The following SUGCT variants were observed in gnomAD, a reference collection of about 807,000 sequenced individuals.
SUGCT encodes the protein succinyl-CoA:glutarate CoA-transferase.
SUGCT carries 41 observed loss-of-function variants against 55.0 expected under a neutral mutation model. The observed-to-expected ratio is 0.74, with a 90% confidence interval of 0.58 to 0.97. SUGCT has a LOEUF of 0.97. SUGCT is among the 50% of genes least tolerant of loss of function. SUGCT has a pLI of 0.00. For synonymous variants in SUGCT, 187 were observed against 200.4 expected (o/e 0.93, Z 0.56); for missense variants, 568 against 547.8 (o/e 1.04, Z -0.37).
At chr7:40,478,196 G>A (rs373092444) in intron 11 of SUGCT, among the ~76,000 whole-genome samples, 1 of 152,060 alleles carries the variant, frequency 6.6e-6, no homozygotes, top group East Asian at 1.9e-4. Flanking sequence ...TCCAGAGACA[G>A]GGTCTTGCTT....
intron 1 of SUGCT, among the ~76,000 whole-genome samples, chr7:40,180,112 C>T (rs556488209): frequency 3.3e-5 from 5 of 152,038 alleles, no homozygotes; most frequent in Admixed American, 6.5e-5. Context: ...TTTGCTATTG[C>T]TGTGATTGTG....
intron 7 of SUGCT, among the ~76,000 whole-genome samples, chr7:40,259,300 G>A (rs913918217): frequency 2.6e-5 from 4 of 152,162 alleles, no homozygotes; most frequent in Non-Finnish European, 5.9e-5. Flanking sequence ...TTTGAGCTGT[G>A]CGGGCCCACT....
At chr7:40,667,578 CT>C (rs141927833) in intron 12 of SUGCT, among the ~76,000 whole-genome samples, 25,552 of 135,362 alleles carry the variant, frequency 0.19, 2,194 homozygotes, top group African/African-American at 0.21. Context: ...TGGCCCAGGG[CT>C]TTTTTTTTTT....
chr7:40,452,673 T>C (rs1249481134), intron 10 of SUGCT, among the ~76,000 whole-genome samples: 1 of 152,206 alleles, frequency 6.6e-6, no homozygotes, highest in African/African-American at 2.4e-5. Flanking sequence ...TTATAATACG[T>C]AATTATACTT....
chr7:40,295,729 G>A (rs150306486), intron 8 of SUGCT, among the ~76,000 whole-genome samples: 2 of 152,324 alleles, frequency 1.3e-5, no homozygotes, highest in East Asian at 1.9e-4. Context: ...ATTTAGTTAT[G>A]TCATAATGTA....
At chr7:40,162,323 A>T (rs996894187) in intron 1 of SUGCT, among the ~76,000 whole-genome samples, 1 of 152,176 alleles carries the variant, frequency 6.6e-6, no homozygotes, top group Non-Finnish European at 1.5e-5. Context: ...AAGATCTGGG[A>T]TATGTTAGGA....
intron 10 of SUGCT, among the ~76,000 whole-genome samples, chr7:40,451,480 C>T (rs549481391): frequency 6.6e-6 from 1 of 152,248 alleles, no homozygotes; most frequent in African/African-American, 2.4e-5. Flanking sequence ...TGTTATAAGA[C>T]ATTGCTTATA....
At chr7:40,737,930 A>G (rs1232914115) in intron 12 of SUGCT, among the ~76,000 whole-genome samples, 1 of 151,774 alleles carries the variant, frequency 6.6e-6, no homozygotes, top group Non-Finnish European at 1.5e-5. Flanking sequence ...GTCTCAAAAA[A>G]AACAAAAAAA....
chr7:40,158,427 C>G (rs1783999848), intron 1 of SUGCT, among the ~76,000 whole-genome samples: 1 of 152,124 alleles, frequency 6.6e-6, no homozygotes, highest in Admixed American at 6.5e-5. Flanking sequence ...ATATTGTTTT[C>G]TAGATACAAG....
intron 12 of SUGCT, among the ~76,000 whole-genome samples, chr7:40,659,892 C>G (rs1240593243): frequency 6.6e-6 from 1 of 152,150 alleles, no homozygotes; most frequent in African/African-American, 2.4e-5. Context: ...GAGCCAACAA[C>G]TCATTTCTCT....
the SUGCT span, among the ~76,000 whole-genome samples, chr7:40,881,427 CCT>C: frequency 1.3e-5 from 2 of 152,136 alleles, no homozygotes; most frequent in Admixed American, 6.5e-5. Context: ...TTTAGTGAAA[CCT>C]CTCTGTCAAG....
chr7:40,269,258 T>A (rs1291463645), intron 7 of SUGCT, among the ~76,000 whole-genome samples: 1 of 152,166 alleles, frequency 6.6e-6, no homozygotes, highest in East Asian at 1.9e-4. Flanking sequence ...TTTGGAGAAA[T>A]GTGTCTTTAA....
chr7:40,189,367 A>T (rs1433825542), intron 4 of SUGCT, among the ~76,000 whole-genome samples, 177 bp from the exon 5 acceptor site: 2 of 149,390 alleles, frequency 1.3e-5, no homozygotes, highest in African/African-American at 5.0e-5. Context: ...AAAAAAAGAA[A>T]AACTTTTATG....
chr7:40,395,464 G>A (rs1300432217), intron 9 of SUGCT, among the ~76,000 whole-genome samples: 2 of 136,922 alleles, frequency 1.5e-5, no homozygotes, highest in Non-Finnish European at 3.0e-5. Context: ...ACTCCAGCTT[G>A]GGCTACAAGA....
intron 9 of SUGCT, among the ~76,000 whole-genome samples, chr7:40,382,870 G>A (rs552769887): frequency 1.4e-4 from 21 of 152,246 alleles, no homozygotes; most frequent in Admixed American, 7.2e-4. Context: ...GTGTGGAAAC[G>A]TGATAATATT....
At chr7:40,245,815 T>G (rs939468821) in intron 7 of SUGCT, among the ~76,000 whole-genome samples, 16 of 151,860 alleles carry the variant, frequency 1.1e-4, no homozygotes, top group African/African-American at 3.1e-4. Flanking sequence ...TCAGGATAAA[T>G]GGGGTATCCA....
chr7:40,369,425 C>T (rs1784174892), intron 9 of SUGCT, among the ~76,000 whole-genome samples: 1 of 152,052 alleles, frequency 6.6e-6, no homozygotes, highest in Non-Finnish European at 1.5e-5. Flanking sequence ...TTTTCCTTTT[C>T]ACAGATCAAA....
intron 12 of SUGCT, among the ~76,000 whole-genome samples, chr7:40,659,793 G>A (rs1404724508): frequency 6.6e-6 from 1 of 152,180 alleles, no homozygotes; most frequent in African/African-American, 2.4e-5. Flanking sequence ...GACTTGGGGT[G>A]AGGGACACCA....
At chr7:40,719,088 T>C (rs1786179545) in intron 12 of SUGCT, among the ~76,000 whole-genome samples, 1 of 152,212 alleles carries the variant, frequency 6.6e-6, no homozygotes, top group Non-Finnish European at 1.5e-5. Flanking sequence ...TGCCCCGACA[T>C]AGCTTATGGA....
Sources: gnomAD v4.1 joint callset for allele counts (sites outside exome capture counted in the v4.1 genomes callset) on GRCh38, gnomAD v4.1.1 for gene constraint, MANE v1.5 for transcripts, NCBI Gene and HGNC (gene_info 2026-07-23, HGNC 2026-07-21) for gene names.